EEPD1: variants seen among roughly 807,000 people sequenced by gnomAD.
The protein encoded by EEPD1 is endonuclease/exonuclease/phosphatase family domain-containing protein 1.
Under a neutral mutation model 46.3 loss-of-function variants are expected in EEPD1, and 17 were observed. That is an observed-to-expected ratio of 0.37 (90% CI 0.25 to 0.55). EEPD1 has a LOEUF of 0.55. Ranked by LOEUF, EEPD1 falls within the 20% of genes least tolerant of loss-of-function variation. The pLI is 0.83. For synonymous variants in EEPD1, 313 were observed against 315.6 expected (o/e 0.99, Z 0.09); for missense variants, 673 against 745.6 (o/e 0.90, Z 1.13).
At chr7:36,291,891 G>C (rs1167273004) in intron 6 of EEPD1, among the ~76,000 whole-genome samples, 2 of 152,308 alleles carry the variant, frequency 1.3e-5, no homozygotes, top group African/African-American at 2.4e-5. Flanking sequence ...GAGCCCAGCT[G>C]GGGGGCGAGT....
At chr7:36,195,151 T>G (rs886582170) in intron 2 of EEPD1, among the ~76,000 whole-genome samples, 4 of 152,182 alleles carry the variant, frequency 2.6e-5, no homozygotes, top group African/African-American at 9.6e-5. Flanking sequence ...CCCCAGCAGT[T>G]AACTCTTAGT....
chr7:36,271,008 T>C (rs749564965), intron 3 of EEPD1, among the ~76,000 whole-genome samples: 3 of 151,854 alleles, frequency 2.0e-5, no homozygotes, highest in Non-Finnish European at 4.4e-5. Context: ...TTTTTTTGAG[T>C]TGGAGTCTTG....
chr7:36,231,554 C>G (rs1371204141), intron 2 of EEPD1, among the ~76,000 whole-genome samples: 2 of 152,116 alleles, frequency 1.3e-5, no homozygotes, highest in Non-Finnish European at 2.9e-5. Context: ...AGGAGAGTCT[C>G]AGGAAGACAC....
chr7:36,235,113 C>T (rs1219570606), intron 2 of EEPD1, among the ~76,000 whole-genome samples: 1 of 146,206 alleles, frequency 6.8e-6, no homozygotes, highest in Non-Finnish European at 1.5e-5. Context: ...GCCTTCCCCA[C>T]AGCCTCCAGC....
intron 3 of EEPD1, among the ~76,000 whole-genome samples, chr7:36,246,033 A>G (rs1289810916): frequency 2.0e-5 from 3 of 152,256 alleles, no homozygotes; most frequent in East Asian, 3.8e-4. Flanking sequence ...TCATTTTTCA[A>G]TGACCCTTTC....
At chr7:36,276,876 G>A (rs919694682) in intron 3 of EEPD1, among the ~76,000 whole-genome samples, 2 of 152,250 alleles carry the variant, frequency 1.3e-5, no homozygotes, top group Non-Finnish European at 2.9e-5. Flanking sequence ...ACCCGAGAGG[G>A]TGGGGTGGCA....
chr7:36,289,519 T>G lies in EEPD1; in HGVS notation c.1315+1742T>G, dbSNP rs369930410. Reference sequence around the variant, plus strand: ...CATGTGTCAGAATTTCCTCACTTTTTTGTGTGTGTGTGTCGCCCAGGCTGG... The same window carrying G: ...CATGTGTCAGAATTTCCTCACTTTTGTGTGTGTGTGTGTCGCCCAGGCTGG... On this transcript the variant is annotated intron_variant, in intron 6 of 7. Transcript: ENST00000242108. Among the ~76,000 whole-genome samples the G allele has an allele frequency of 1.1e-3, 160 of 152,224 alleles. 1 individual carries two copies. Among genetic ancestry groups the G allele is most frequent in the East Asian group, 7.9e-3 (41 of 5,188 alleles).
intron 2 of EEPD1, among the ~76,000 whole-genome samples, chr7:36,238,528 G>T (rs959067390): frequency 1.3e-5 from 2 of 152,184 alleles, no homozygotes; most frequent in Non-Finnish European, 2.9e-5. Context: ...ACCTCATTTA[G>T]TGTGTCTCCA....
At chr7:36,273,210 C>T (rs1787138089) in intron 3 of EEPD1, among the ~76,000 whole-genome samples, 1 of 152,038 alleles carries the variant, frequency 6.6e-6, no homozygotes, top group South Asian at 2.1e-4. Context: ...AGTGACCCGG[C>T]TATGTTACCT....
At chr7:36,172,068 A>G (rs2115630794) in intron 2 of EEPD1, among the ~76,000 whole-genome samples, 1 of 152,216 alleles carries the variant, frequency 6.6e-6, no homozygotes, top group East Asian at 1.9e-4. Context: ...TTGTCAGTGT[A>G]TTTCACTTTC....
At chr7:36,157,161 A>G (rs1418249888) in intron 2 of EEPD1, among the ~76,000 whole-genome samples, 23 of 152,336 alleles carry the variant, frequency 1.5e-4, no homozygotes, top group Admixed American at 1.5e-3. Flanking sequence ...ATGCCATTTT[A>G]TATCAGGGAC....
chr7:36,226,534 C>A (rs983276202), intron 2 of EEPD1, among the ~76,000 whole-genome samples: 3 of 152,152 alleles, frequency 2.0e-5, no homozygotes, highest in Non-Finnish European at 2.9e-5. Context: ...AAAACATGTT[C>A]AGGAACTACT....
intron 3 of EEPD1, among the ~76,000 whole-genome samples, chr7:36,255,131 CT>C (rs1486021435): frequency 6.6e-6 from 1 of 152,156 alleles, no homozygotes; most frequent in Non-Finnish European, 1.5e-5. Context: ...TGCAGAAGCT[CT>C]TTAGTTTAAT....
At chr7:36,156,593 T>C (rs1001081747) in intron 2 of EEPD1, among the ~76,000 whole-genome samples, 2 of 152,180 alleles carry the variant, frequency 1.3e-5, no homozygotes, top group African/African-American at 2.4e-5. Flanking sequence ...CCTATTATGC[T>C]TTCTAGTGGC....
intron 4 of EEPD1, among the ~76,000 whole-genome samples, chr7:36,283,854 A>G (rs966807599): frequency 2.6e-5 from 4 of 152,164 alleles, no homozygotes; most frequent in African/African-American, 7.2e-5. Context: ...AAGAGTGGTG[A>G]TGAGCACTGC....
chr7:36,298,674 G>A (rs947949504), intron 7 of EEPD1, among the ~76,000 whole-genome samples: 3 of 152,054 alleles, frequency 2.0e-5, no homozygotes, highest in Non-Finnish European at 2.9e-5. Context: ...TTTATGAGGC[G>A]TCTGTCTCTG....
chr7:36,164,133 A>G (rs1784944149), intron 2 of EEPD1, among the ~76,000 whole-genome samples: 1 of 152,360 alleles, frequency 6.6e-6, no homozygotes, highest in African/African-American at 2.4e-5. Flanking sequence ...AACTGATTGC[A>G]GGATACTATA....
rs756797390 is a variant in EEPD1, at chr7:36,284,702, G to C, written c.1058G>C (p.Gly353Ala). Residue 353 changes from glycine to alanine, a missense_variant, in exon 5 of 8, where the codon GGA becomes GCA. By Grantham distance (60) the Gly-to-Ala change is moderately conservative. Transcript: ENST00000242108. ...CCGCTGCAGGGAGCTGGGTATGCAGGATTCCTATGGGACGCGGCTGCCGGC... is the reference window on the plus strand; with the variant it reads ...CCGCTGCAGGGAGCTGGGTATGCAGCATTCCTATGGGACGCGGCTGCCGGC... The part of the protein sequence containing the change: ...SQLQKGAGYA[G>A]FLWDAAAGME... 3 of 1,612,448 alleles carry C rather than the reference G, an allele frequency of 1.9e-6. No individual in the cohort carries two copies. The South Asian group carries it at 3.3e-5, about 18-fold the overall frequency.
intron 2 of EEPD1, among the ~76,000 whole-genome samples, chr7:36,219,806 A>AGAGAGAGTGTGTGTGT (rs1341203087): frequency 5.3e-5 from 4 of 75,434 alleles, no homozygotes; most frequent in African/African-American, 1.8e-4. Flanking sequence ...AGAGAGAGAG[A>AGAGAGAGTGTGTGTGT]GTGTGTGTGT....
Sources: allele counts gnomAD v4.1 joint callset (sites outside exome capture counted in the v4.1 genomes callset), GRCh38; gene constraint gnomAD v4.1.1; transcripts MANE v1.5; gene names NCBI Gene and HGNC (gene_info 2026-07-23, HGNC 2026-07-21).